DCP1A: variants seen among roughly 807,000 people sequenced by gnomAD.
The protein encoded by DCP1A is decapping mRNA 1A, also known as mRNA-decapping enzyme 1A.
In DCP1A, 20 loss-of-function variants were observed where a neutral mutation model predicts 58.0. The observed-to-expected ratio is 0.34, with a 90% CI of 0.24 to 0.50. The LOEUF (loss-of-function observed/expected upper bound fraction) is 0.50. Ranked by LOEUF, DCP1A falls within the 20% of genes least tolerant of loss-of-function variation. The pLI, the probability that DCP1A is intolerant of heterozygous loss-of-function variation, is 0.98. For synonymous variants in DCP1A, 285 were observed against 275.1 expected (o/e 1.04, Z -0.36); for missense variants, 613 against 712.2 (o/e 0.86, Z 1.59).
At chr3:53,304,917 G>A (rs1553687867) in intron 5 of DCP1A, among the ~76,000 whole-genome samples, 2 of 151,942 alleles carry the variant, frequency 1.3e-5, no homozygotes, top group African/African-American at 2.4e-5. Flanking sequence ...AACATATGGT[G>A]AAATGAATTT....
At chr3:53,322,364 C>A (rs1356386101) in intron 3 of DCP1A, among the ~76,000 whole-genome samples, 6 of 151,634 alleles carry the variant, frequency 4.0e-5, no homozygotes, top group African/African-American at 1.2e-4. Context: ...AGGCAGGAGA[C>A]TCTCTTGAAC....
intron 3 of DCP1A, among the ~76,000 whole-genome samples, chr3:53,325,054 GA>G (rs1166410991): frequency 1.3e-5 from 2 of 152,042 alleles, no homozygotes; most frequent in Non-Finnish European, 2.9e-5. Context: ...AAAGGTATTT[GA>G]ACTATTTTGT....
intron 3 of DCP1A, among the ~76,000 whole-genome samples, chr3:53,326,590 T>C (rs1467467680): frequency 6.6e-5 from 10 of 152,182 alleles, no homozygotes; most frequent in African/African-American, 1.2e-4. Flanking sequence ...GCTGTGGCAA[T>C]AGATTCTCAT....
intron 6 of DCP1A, among the ~76,000 whole-genome samples, chr3:53,295,303 T>A (rs991314328): frequency 1.3e-5 from 2 of 152,154 alleles, no homozygotes; most frequent in Non-Finnish European, 2.9e-5. Context: ...GTAAAAAAGT[T>A]GTAGCTTCAT....
At chr3:53,291,980 G>A (rs1706892531) in intron 7 of DCP1A, 89 bp downstream of exon 7, 5 of 1,392,752 alleles carry the variant, frequency 3.6e-6, no homozygotes, top group Non-Finnish European at 4.8e-6. Flanking sequence ...AAATTGTCAT[G>A]TCATGACAGT....
At position 53,338,237 on chromosome 3, in the gene DCP1A, C is replaced by A. The variant is rs1308029715; in HGVS notation, c.304+3907G>T. The A allele has an allele frequency of 1.4e-5, 5 of 367,338 alleles. No homozygotes were observed. In the Admixed American group the frequency reaches 1.5e-4, roughly 11 times the overall value. The allele number at this position is 367,338 out of a possible 1,614,324, so 22.8% of individuals were successfully genotyped here. Reference sequence around the variant, plus strand: ...TAACCTCCCCATAATTCATTGCAATCCCACTGGGGTCTTGTGACTGCCAAA... The same window carrying A: ...TAACCTCCCCATAATTCATTGCAATACCACTGGGGTCTTGTGACTGCCAAA... On this transcript the variant is annotated intron_variant, in intron 3 of 9. Coordinates refer to ENST00000610213, the MANE Select transcript of DCP1A (RefSeq NM_018403.7).
chr3:53,309,328 G>C (rs780322198), intron 5 of DCP1A, among the ~76,000 whole-genome samples: 12 of 148,628 alleles, frequency 8.1e-5, no homozygotes, highest in Non-Finnish European at 1.5e-4. Flanking sequence ...TCGAGATCGC[G>C]CCACTGCACT....
chr3:53,304,373 C>A, intron 5 of DCP1A, 83 bp from the exon 6 acceptor site: 9 of 906,214 alleles, frequency 9.9e-6, no homozygotes, highest in South Asian at 1.6e-5. Flanking sequence ...CTGAGGTTAT[C>A]AAAAATGTTA....
At chr3:53,339,428 T>C (rs2089168092) in intron 3 of DCP1A, among the ~76,000 whole-genome samples, 1 of 152,248 alleles carries the variant, frequency 6.6e-6, no homozygotes, top group African/African-American at 2.4e-5. Flanking sequence ...ATACTCCTGA[T>C]GATTTTAGGT....
chr3:53,304,804 C>CA (rs1309719467), intron 5 of DCP1A, among the ~76,000 whole-genome samples: 1 of 151,772 alleles, frequency 6.6e-6, no homozygotes, highest in Non-Finnish European at 1.5e-5. Context: ...AGGCTGGTCT[C>CA]AAACTCCTGA....
At chr3:53,315,688 T>C (rs1194171472) in intron 4 of DCP1A, among the ~76,000 whole-genome samples, 2 of 151,482 alleles carry the variant, frequency 1.3e-5, no homozygotes, top group Admixed American at 6.6e-5. Context: ...AGCTCACTCA[T>C]TTTCCTACAT....
chr3:53,293,023 TTGCATTGGTA>T (rs1446925578), intron 6 of DCP1A, among the ~76,000 whole-genome samples, 196 bp from the exon 7 acceptor site: 2 of 152,026 alleles, frequency 1.3e-5, no homozygotes, highest in Admixed American at 6.6e-5. Context: ...GGATGGAAAT[TTGCATTGGTA>T]ATATAATTCA....
intron 5 of DCP1A, among the ~76,000 whole-genome samples, chr3:53,311,437 T>C (rs1027429302): frequency 3.9e-5 from 6 of 152,156 alleles, no homozygotes; most frequent in Non-Finnish European, 5.9e-5. Context: ...TGCTTGCACA[T>C]AGTAGATGGT....
chr3:53,347,253 G>T, intron 1 of DCP1A, 130 bp downstream of exon 1: 2 of 1,178,092 alleles, frequency 1.7e-6, no homozygotes, highest in East Asian at 3.0e-5. Flanking sequence ...CTAGGCTCTT[G>T]GCCAGACCCT....
At chr3:53,313,247 C>T (rs553024842) in intron 4 of DCP1A, among the ~76,000 whole-genome samples, 1 of 152,068 alleles carries the variant, frequency 6.6e-6, no homozygotes, top group African/African-American at 2.4e-5. Flanking sequence ...GGCAAAACCC[C>T]GTCTCTACAA....
Position 53,292,256 on chromosome 3 carries a change from C to A in DCP1A, c.1196G>T (p.Arg399Met), listed in dbSNP as rs1553686131. 6.2e-7 allele frequency: 1 copy of A among 1,613,868 alleles called. No homozygotes were observed. Among genetic ancestry groups the A allele is most frequent in the Non-Finnish European group, 8.5e-7 (1 of 1,179,894 alleles). ...TATTTGGTCATGCTGTGGGGTCAAC[C>A]TGAGTTTCTGGAGAAGATCAACGCT... ...LPSVDLLQKL[R>M]LTPQHDQIQT... Residue 399 changes from arginine to methionine, a missense_variant, in exon 7 of 10, where the codon AGG becomes ATG. Physicochemically the swap from Arg to Met is moderately conservative, Grantham distance 91 (BLOSUM62 -1). Coordinates refer to ENST00000610213, the MANE Select transcript of DCP1A (RefSeq NM_018403.7).
intron 3 of DCP1A, among the ~76,000 whole-genome samples, chr3:53,326,984 C>T (rs1034878388): frequency 1.6e-4 from 24 of 151,058 alleles, no homozygotes; most frequent in Admixed American, 7.9e-4. Flanking sequence ...CAACCCCCCC[C>T]CCCCAACTGG....
At chr3:53,330,652 T>C (rs2088977544) in intron 3 of DCP1A, among the ~76,000 whole-genome samples, 1 of 151,958 alleles carries the variant, frequency 6.6e-6, no homozygotes, top group Non-Finnish European at 1.5e-5. Flanking sequence ...GGACTAAAAA[T>C]ATAAACAAAA....
chr3:53,321,114 T>C (rs1304352140), intron 3 of DCP1A, among the ~76,000 whole-genome samples: 6 of 152,226 alleles, frequency 3.9e-5, no homozygotes. Context: ...AGGTTGAAGG[T>C]CAAGAAACAT....
Sources: allele counts gnomAD v4.1 joint callset (sites outside exome capture counted in the v4.1 genomes callset), GRCh38; gene constraint gnomAD v4.1.1; transcripts MANE v1.5; gene names NCBI Gene and HGNC (gene_info 2026-07-23, HGNC 2026-07-21).